Variants in LGR5 observed in about 807,000 individuals in gnomAD.
LGR5 encodes leucine rich repeat containing G protein-coupled receptor 5.
Under a neutral mutation model 76.7 loss-of-function variants are expected in LGR5, and 54 were observed. That is an observed-to-expected ratio of 0.70 (90% CI 0.57 to 0.88). LGR5 has a LOEUF of 0.88. Ranked by LOEUF, LGR5 falls within the 40% of genes least tolerant of loss-of-function variation. The pLI, the probability that LGR5 is intolerant of heterozygous loss-of-function variation, is 0.00. For synonymous variants in LGR5, 406 were observed against 421.9 expected, an observed-to-expected ratio of 0.96 and a Z score of 0.46; for missense variants, 1,078 against 1,073.3, an observed-to-expected ratio of 1.00 and a Z score of -0.06.
chr12:71,551,194 A>G (rs1241462082), intron 4 of LGR5, among the ~76,000 whole-genome samples: 1 of 152,230 alleles, frequency 6.6e-6, no homozygotes, highest in Non-Finnish European at 1.5e-5. Context: ...TGGCCCAAGG[A>G]GGGCCTTTGA....
chr12:71,508,572 G>T (rs1368981956), intron 2 of LGR5, among the ~76,000 whole-genome samples: 1 of 151,884 alleles, frequency 6.6e-6, no homozygotes, highest in African/African-American at 2.4e-5. Flanking sequence ...TGGCCAATAT[G>T]GTGAAACCCC....
intron 2 of LGR5, among the ~76,000 whole-genome samples, chr12:71,518,567 G>A (rs750969039): frequency 1.3e-5 from 2 of 152,088 alleles, no homozygotes; most frequent in Admixed American, 6.5e-5. Context: ...ATTGCAGCAC[G>A]ATTCGCAATA....
At chr12:71,511,469 A>G (rs141776359) in intron 2 of LGR5, among the ~76,000 whole-genome samples, 3 of 152,104 alleles carry the variant, frequency 2.0e-5, no homozygotes, top group African/African-American at 7.2e-5. Flanking sequence ...AAGCTTGAGG[A>G]CCACTACTCT....
chr12:71,476,005 C>G (rs1036006714), intron 1 of LGR5, among the ~76,000 whole-genome samples: 1 of 152,026 alleles, frequency 6.6e-6, no homozygotes, highest in East Asian at 1.9e-4. Flanking sequence ...GGGATTGACA[C>G]GCAGGGTTCC....
chr12:71,485,560 T>A (rs1873788370), intron 1 of LGR5, among the ~76,000 whole-genome samples: 1 of 151,544 alleles, frequency 6.6e-6, no homozygotes, highest in Non-Finnish European at 1.5e-5. Context: ...CTGCAAAAAA[T>A]AAAATAAAAT....
At chr12:71,578,109 CTG>C (rs1300597148) in intron 14 of LGR5, 113 bp downstream of exon 14, 2 of 754,672 alleles carry the variant, frequency 2.7e-6, no homozygotes, top group African/African-American at 3.4e-5. Flanking sequence ...TTACCTGCCT[CTG>C]TGTTCTCCAT....
chr12:71,522,662 GA>G (rs1875783641), intron 2 of LGR5, among the ~76,000 whole-genome samples: 1 of 151,376 alleles, frequency 6.6e-6, no homozygotes, highest in South Asian at 2.1e-4. Context: ...TTTATCACTT[GA>G]AAAAACACTT....
intron 2 of LGR5, among the ~76,000 whole-genome samples, chr12:71,508,181 T>C (rs760425752): frequency 1.1e-4 from 16 of 152,088 alleles, no homozygotes; most frequent in Middle Eastern, 3.4e-3. Context: ...TGAGTCGAGA[T>C]TGGGCCATTG....
chr12:71,578,161 C>G (rs955424731), intron 14 of LGR5, among the ~76,000 whole-genome samples, 165 bp downstream of exon 14: 8 of 152,192 alleles, frequency 5.3e-5, no homozygotes, highest in African/African-American at 1.9e-4. Context: ...TTCTGCTCCT[C>G]CAGGGCCACA....
intron 2 of LGR5, 28 bp from the exon 3 acceptor site, chr12:71,524,376 ACT>A: frequency 2.6e-6 from 4 of 1,521,408 alleles, no homozygotes; most frequent in Admixed American, 1.7e-5. Context: ...AGGTATGCTC[ACT>A]CTCTCTCCTC....
At chr12:71,453,283 G>A (rs1310485945) in intron 1 of LGR5, among the ~76,000 whole-genome samples, 2 of 152,098 alleles carry the variant, frequency 1.3e-5, no homozygotes, top group African/African-American at 2.4e-5. Flanking sequence ...TTTCATATTT[G>A]CACATGAGTA....
intron 4 of LGR5, among the ~76,000 whole-genome samples, chr12:71,544,271 T>C (rs1194581002): frequency 2.0e-5 from 3 of 149,786 alleles, no homozygotes; most frequent in Non-Finnish European, 3.0e-5. Context: ...TTTTTTTTTT[T>C]CTTTGTCTTT....
chr12:71,466,540 C>A (rs1254928782), intron 1 of LGR5, among the ~76,000 whole-genome samples: 1 of 152,056 alleles, frequency 6.6e-6, no homozygotes, highest in African/African-American at 2.4e-5. Flanking sequence ...ATAAAAAATT[C>A]ACTTATTTGG....
intron 1 of LGR5, among the ~76,000 whole-genome samples, chr12:71,458,064 G>A (rs938902294): frequency 2.6e-5 from 4 of 152,032 alleles, no homozygotes; most frequent in African/African-American, 9.7e-5. Flanking sequence ...GTAGTCATTA[G>A]ATGAGAAGGA....
chr12:71,467,733 C>T (rs1333408250), intron 1 of LGR5, among the ~76,000 whole-genome samples: 2 of 152,080 alleles, frequency 1.3e-5, no homozygotes, highest in Non-Finnish European at 2.9e-5. Flanking sequence ...TTTTAGTTGC[C>T]ATAATTCTGA....
chr12:71,546,519 C>G (rs982783614), intron 4 of LGR5, among the ~76,000 whole-genome samples: 7 of 152,008 alleles, frequency 4.6e-5, no homozygotes, highest in Non-Finnish European at 8.8e-5. Context: ...CCATAGCTTC[C>G]TCACCTTCCT....
chr12:71,537,045 G>A (rs1181389705), intron 4 of LGR5, among the ~76,000 whole-genome samples: 1 of 152,056 alleles, frequency 6.6e-6, no homozygotes, highest in African/African-American at 2.4e-5. Context: ...GCTGGGTTAT[G>A]CAATGTTTGT....
chr12:71,450,798 C>T (rs567240147), intron 1 of LGR5, among the ~76,000 whole-genome samples: 29 of 152,262 alleles, frequency 1.9e-4, no homozygotes, highest in Non-Finnish European at 2.5e-4. Context: ...TCATGGTCTA[C>T]GTAGACCTCG....
chr12:71,451,421 A>G (rs1038694189), intron 1 of LGR5, among the ~76,000 whole-genome samples: 4 of 152,094 alleles, frequency 2.6e-5, no homozygotes, highest in African/African-American at 4.8e-5. Context: ...CTCTCCAGCC[A>G]TTTCAAACTG....
Sources: gnomAD v4.1 joint callset for allele counts (sites outside exome capture counted in the v4.1 genomes callset) on GRCh38, gnomAD v4.1.1 for gene constraint, MANE v1.5 for transcripts, NCBI Gene and HGNC (gene_info 2026-07-23, HGNC 2026-07-21) for gene names.